Variants in ANK2 observed in about 807,000 individuals in gnomAD.
ANK2 encodes ankyrin-2.
ANK2 carries 83 observed loss-of-function variants against 360.5 expected under a neutral mutation model. The observed-to-expected ratio is 0.23, with a 90% CI of 0.19 to 0.28. The LOEUF is 0.28. Among genes scored for constraint, ANK2 ranks in the 10% least tolerant of loss-of-function variants. The pLI is 1.00. For synonymous variants in ANK2, 1,740 were observed against 1,759.5 expected, an observed-to-expected ratio of 0.99 and a Z score of 0.28; for missense variants, 4,201 against 4,795.7, an observed-to-expected ratio of 0.88 and a Z score of 3.66.
chr4:112,855,567 A>C (rs922497464), intron 1 of ANK2, among the ~76,000 whole-genome samples: 3 of 152,202 alleles, frequency 2.0e-5, no homozygotes, highest in African/African-American at 7.2e-5. Flanking sequence ...TTATAGCAGA[A>C]ATACCTGTAA....
At chr4:113,298,860 C>T (rs570099241) in intron 22 of ANK2, among the ~76,000 whole-genome samples, 227 of 152,212 alleles carry the variant, frequency 1.5e-3, no homozygotes, top group Non-Finnish European at 2.9e-3. Context: ...ATCAAGTTTT[C>T]AAAGGACATT....
chr4:112,830,611 TA>T (rs1197651035), intron 1 of ANK2, among the ~76,000 whole-genome samples: 10 of 136,482 alleles, frequency 7.3e-5, no homozygotes, highest in African/African-American at 2.3e-4. Flanking sequence ...ATGCAATTAT[TA>T]TTATTATTTT....
intron 1 of ANK2, chr4:113,145,977 G>A (rs749084472): frequency 1.0e-5 from 13 of 1,289,654 alleles, no homozygotes; most frequent in African/African-American, 7.6e-5. Flanking sequence ...CTGTAACAGT[G>A]AGGACGTCAA....
intron 1 of ANK2, among the ~76,000 whole-genome samples, chr4:113,089,865 T>C (rs556268987): frequency 3.2e-4 from 48 of 151,984 alleles, no homozygotes; most frequent in Admixed American, 2.7e-3. Context: ...GATAAAAAAA[T>C]ATATGAAACA....
intron 1 of ANK2, among the ~76,000 whole-genome samples, chr4:113,126,296 G>A (rs369066908): frequency 1.1e-4 from 16 of 152,178 alleles, no homozygotes; most frequent in East Asian, 7.7e-4. Flanking sequence ...AAAGTCCACA[G>A]TAAACGCTTA....
the ANK2 span, among the ~76,000 whole-genome samples, chr4:112,761,621 A>G: frequency 6.6e-6 from 1 of 152,160 alleles, no homozygotes; most frequent in African/African-American, 2.4e-5. Context: ...CTCCGTCTCA[A>G]AAATAAATAA....
At chr4:112,772,628 AGG>A in the ANK2 span, among the ~76,000 whole-genome samples, 1 of 152,236 alleles carries the variant, frequency 6.6e-6, no homozygotes, top group African/African-American at 2.4e-5. Context: ...AGGGAAAAGA[AGG>A]TACTAAAGGC....
At chr4:113,311,190 AC>A (rs2079773209) in intron 23 of ANK2, 64 bp from the exon 24 acceptor site, 2 of 1,600,782 alleles carry the variant, frequency 1.2e-6, no homozygotes, top group Non-Finnish European at 1.7e-6. Flanking sequence ...CACAATCATG[AC>A]CATATGTTGT....
chr4:112,865,354 T>G (rs2070099970), intron 1 of ANK2, among the ~76,000 whole-genome samples: 1 of 152,208 alleles, frequency 6.6e-6, no homozygotes, highest in South Asian at 2.1e-4. Flanking sequence ...AATTTTGGTT[T>G]ATATAATACC....
intron 1 of ANK2, among the ~76,000 whole-genome samples, chr4:113,154,705 C>T (rs1211844242): frequency 3.9e-5 from 6 of 152,158 alleles, no homozygotes; most frequent in Admixed American, 3.9e-4. Context: ...TCTACATGTT[C>T]TTTATTCTTG....
chr4:112,830,899 GA>G (rs2059565582), intron 1 of ANK2, among the ~76,000 whole-genome samples: 1 of 152,200 alleles, frequency 6.6e-6, no homozygotes. Flanking sequence ...CCTGCACTCA[GA>G]ACGGCTGGCT....
the ANK2 span, among the ~76,000 whole-genome samples, chr4:112,794,795 A>T: frequency 6.6e-6 from 1 of 152,226 alleles, no homozygotes; most frequent in Non-Finnish European, 1.5e-5. Flanking sequence ...GCCTGCCAAC[A>T]TAAAAGTTTG....
intron 45 of ANK2, among the ~76,000 whole-genome samples, chr4:113,375,313 C>T (rs1270416539): frequency 1.3e-5 from 2 of 152,072 alleles, no homozygotes; most frequent in African/African-American, 4.8e-5. Context: ...TATTTGCTAG[C>T]CAGTCTTTTC....
intron 1 of ANK2, among the ~76,000 whole-genome samples, chr4:112,821,450 A>T (rs1365417601): frequency 2.0e-5 from 3 of 151,564 alleles, no homozygotes; most frequent in African/African-American, 7.3e-5. Context: ...CAAATACCTG[A>T]TTGTTATAGT....
intron 24 of ANK2, among the ~76,000 whole-genome samples, chr4:113,313,865 T>C (rs1355948365): frequency 6.6e-6 from 1 of 152,164 alleles, no homozygotes; most frequent in Non-Finnish European, 1.5e-5. Context: ...CTAAAATAAA[T>C]ATTTTTATGT....
intron 22 of ANK2, among the ~76,000 whole-genome samples, chr4:113,300,351 C>G (rs1038172956): frequency 6.7e-6 from 1 of 149,434 alleles, no homozygotes; most frequent in Non-Finnish European, 1.5e-5. Flanking sequence ...AACTAAAATT[C>G]CACCCAAAGA....
intron 2 of ANK2, among the ~76,000 whole-genome samples, chr4:112,967,303 T>C (rs985419133): frequency 1.3e-5 from 2 of 152,228 alleles, no homozygotes; most frequent in African/African-American, 2.4e-5. Context: ...ATTAAACTAA[T>C]CTAAATCTTT....
At chr4:112,727,872 C>T in the ANK2 span, among the ~76,000 whole-genome samples, 1 of 152,128 alleles carries the variant, frequency 6.6e-6, no homozygotes, top group African/African-American at 2.4e-5. Context: ...CCCAGCTACT[C>T]AGGAGGCTGA....
intron 1 of ANK2, among the ~76,000 whole-genome samples, chr4:112,887,492 G>A (rs1393565743): frequency 6.6e-6 from 1 of 152,162 alleles, no homozygotes; most frequent in Non-Finnish European, 1.5e-5. Context: ...TAGTTTCATT[G>A]TAACTTGAGG....
Sources: allele counts gnomAD v4.1 joint callset (sites outside exome capture counted in the v4.1 genomes callset), GRCh38; gene constraint gnomAD v4.1.1; transcripts MANE v1.5; gene names NCBI Gene and HGNC (gene_info 2026-07-23, HGNC 2026-07-21).